QTMAN: variants seen among roughly 807,000 people sequenced by gnomAD.
The protein encoded by QTMAN is tRNA-queuosine alpha-mannosyltransferase.
At chr2:144,007,196 G>C in the QTMAN span, 1 of 1,589,670 alleles carries the variant, frequency 6.3e-7, no homozygotes, top group Non-Finnish European at 8.6e-7. Flanking sequence ...TGTGAGGCCA[G>C]ACAATGTGTA....
At chr2:144,172,784 T>C in the QTMAN span, among the ~76,000 whole-genome samples, 1 of 152,080 alleles carries the variant, frequency 6.6e-6, no homozygotes, top group African/African-American at 2.4e-5. Context: ...CACCTACTAG[T>C]AGAGATGCCT....
At chr2:144,020,494 G>A in the QTMAN span, among the ~76,000 whole-genome samples, 1 of 152,220 alleles carries the variant, frequency 6.6e-6, no homozygotes, top group Non-Finnish European at 1.5e-5. Context: ...CTTGTGACAA[G>A]GTAGAGGTTT....
At chr2:144,011,816 T>C in the QTMAN span, 1 of 840,842 alleles carries the variant, frequency 1.2e-6, no homozygotes, top group Non-Finnish European at 1.4e-6. Context: ...GTGGAGGTGC[T>C]AATGAGAAGA....
the QTMAN span, among the ~76,000 whole-genome samples, chr2:144,229,294 C>T: frequency 3.9e-5 from 6 of 152,154 alleles, no homozygotes; most frequent in Admixed American, 3.9e-4. Context: ...CCATCAACTC[C>T]GTACACTACA....
chr2:144,012,171 T>C, the QTMAN span, among the ~76,000 whole-genome samples: 1 of 152,044 alleles, frequency 6.6e-6, no homozygotes, highest in Non-Finnish European at 1.5e-5. Context: ...CCTTCCCACC[T>C]CTGTCCGCCA....
chr2:144,030,477 C>T, the QTMAN span, among the ~76,000 whole-genome samples: 1 of 152,072 alleles, frequency 6.6e-6, no homozygotes, highest in South Asian at 2.1e-4. Context: ...TTCTTCCTAA[C>T]TAAAAGTAAG....
chr2:144,181,704 G>A, the QTMAN span, among the ~76,000 whole-genome samples: 1 of 152,022 alleles, frequency 6.6e-6, no homozygotes, highest in Non-Finnish European at 1.5e-5. Flanking sequence ...TCAGCTTCTT[G>A]GGAGGCTGAG....
chr2:144,052,543 A>T, the QTMAN span, among the ~76,000 whole-genome samples: 1 of 152,220 alleles, frequency 6.6e-6, no homozygotes, highest in East Asian at 1.9e-4. Flanking sequence ...GGAAACTGAG[A>T]CACAGAAAGG....
chr2:144,210,232 T>C, the QTMAN span, among the ~76,000 whole-genome samples: 1 of 152,128 alleles, frequency 6.6e-6, no homozygotes, highest in East Asian at 1.9e-4. Context: ...CCTAATTTTG[T>C]AGGACTTAGT....
the QTMAN span, chr2:143,945,043 G>A: frequency 1.3e-5 from 2 of 151,892 alleles, no homozygotes; most frequent in Admixed American, 1.3e-4. Context: ...TAAACGAAGC[G>A]CTATTTCTTG....
the QTMAN span, among the ~76,000 whole-genome samples, chr2:144,133,448 TAA>T: frequency 1.2e-4 from 7 of 60,280 alleles, no homozygotes; most frequent in African/African-American, 6.0e-4. Flanking sequence ...ATATAATATA[TAA>T]TATATAATAT....
At chr2:144,205,116 A>C in the QTMAN span, among the ~76,000 whole-genome samples, 3 of 152,162 alleles carry the variant, frequency 2.0e-5, no homozygotes, top group Admixed American at 2.0e-4. Context: ...CACATTGTGC[A>C]CATGTACCCT....
the QTMAN span, among the ~76,000 whole-genome samples, chr2:144,226,430 C>G: frequency 6.6e-6 from 1 of 152,238 alleles, no homozygotes; most frequent in East Asian, 1.9e-4. Flanking sequence ...AAAAGTATGA[C>G]CAAAAGGTCT....
the QTMAN span, among the ~76,000 whole-genome samples, chr2:144,237,592 T>C: frequency 6.6e-6 from 1 of 152,112 alleles, no homozygotes; most frequent in Non-Finnish European, 1.5e-5. Context: ...TCTTGTCAAG[T>C]TCCATTCTAT....
At chr2:144,036,007 C>T in the QTMAN span, among the ~76,000 whole-genome samples, 3 of 152,106 alleles carry the variant, frequency 2.0e-5, no homozygotes, top group Admixed American at 2.0e-4. Context: ...ATGTAATTTC[C>T]TGGTTGGTGG....
At chr2:144,271,463 T>C in the QTMAN span, among the ~76,000 whole-genome samples, 1 of 152,226 alleles carries the variant, frequency 6.6e-6, no homozygotes, top group African/African-American at 2.4e-5. Context: ...AATTATCCAT[T>C]TCAGAGGACT....
the QTMAN span, among the ~76,000 whole-genome samples, chr2:144,130,491 G>A: frequency 6.6e-6 from 1 of 151,678 alleles, no homozygotes; most frequent in East Asian, 1.9e-4. Flanking sequence ...AAGTTGAGCT[G>A]GATTACAATT....
chr2:144,133,292 AAT>A, the QTMAN span, among the ~76,000 whole-genome samples: 11 of 63,408 alleles, frequency 1.7e-4, 1 homozygote, highest in South Asian at 7.2e-4. Context: ...TACATATATA[AAT>A]ATATATGTTC....
the QTMAN span, among the ~76,000 whole-genome samples, chr2:144,074,652 C>T: frequency 1.6e-4 from 25 of 152,148 alleles, no homozygotes; most frequent in African/African-American, 6.0e-4. Context: ...TTTCATTTTA[C>T]AGATTCAGAC....
Sources: gnomAD v4.1 joint callset for allele counts (sites outside exome capture counted in the v4.1 genomes callset) on GRCh38, gnomAD v4.1.1 for gene constraint, MANE v1.5 for transcripts, NCBI Gene and HGNC (gene_info 2026-07-23, HGNC 2026-07-21) for gene names.